The following ADSL variants were observed in gnomAD, a reference collection of about 807,000 sequenced individuals.
ADSL encodes adenylosuccinate lyase, also known as adenylosuccinase.
ADSL carries 44 observed loss-of-function variants against 62.1 expected under a neutral mutation model. The ratio of observed to expected loss-of-function variants is 0.71; its 90% CI spans 0.56 to 0.91. The LOEUF (loss-of-function observed/expected upper bound fraction) is 0.91. ADSL is among the 40% of genes least tolerant of loss of function. ADSL has a pLI of 0.00. For missense variants in ADSL, 531 were observed against 627.4 expected (o/e 0.85, Z 1.64); for synonymous variants, 198 against 220.5 (o/e 0.90, Z 0.90).
intron 2 of ADSL, among the ~76,000 whole-genome samples, chr22:40,351,077 C>T (rs1350642267): frequency 2.6e-5 from 4 of 152,184 alleles, no homozygotes; most frequent in African/African-American, 9.7e-5. Flanking sequence ...TCACTGCAGC[C>T]TTGACCTTCT....
chr22:40,369,215 G>A lies in ADSL; in HGVS notation c.*2693G>A, dbSNP rs79135469. 91 of 152,224 alleles carry A rather than the reference G, an allele frequency of 6.0e-4. No individual in the cohort carries two copies. Among genetic ancestry groups the A allele is most frequent in the African/African-American group, 1.9e-3 (80 of 41,528 alleles). 9.4% of individuals were successfully genotyped at this position (152,224 alleles called of 1,614,324 possible). ...AGACTAATGATCTCCAGTGATTGGC[G>A]ATTTGACCTGGTTTCTTCCTGGACT... On this transcript the variant is annotated 3_prime_UTR_variant, in exon 13 of 13. Transcript: ENST00000623063.
chr22:40,382,665 A>T (rs148727158), intron 2 of ADSL, among the ~76,000 whole-genome samples: 2 of 152,332 alleles, frequency 1.3e-5, no homozygotes, highest in African/African-American at 2.4e-5. Flanking sequence ...GTTCACGGGG[A>T]GTGGATGGGA....
rs2044152816 is a variant in ADSL at position 40,346,708 on chromosome 22, G to A, written c.150G>A (p.Glu50=). Residue 50 remains glutamate (E), a synonymous_variant, in exon 1 of 13, where the codon GAG becomes GAA. Coordinates refer to ENST00000623063, the MANE Select transcript of ADSL (RefSeq NM_000026.4). ...RQLWLWLAEA[E]QTLGLPITDE... ...TGTGGCTGTGGCTGGCGGAGGCCGA[G>A]CAGGTAACGGATCCCGGGCTGAGGG... 6.2e-7 allele frequency: 1 copy of A among 1,603,870 alleles called. No individual in the cohort carries two copies. The highest frequency in any genetic ancestry group is 8.5e-7 in the Non-Finnish European group (1 of 1,177,640).
At chr22:40,373,862 C>T (rs1471467868), downstream of ADSL, among the ~76,000 whole-genome samples, 2 of 152,192 alleles carry the variant, frequency 1.3e-5, no homozygotes, top group African/African-American at 2.4e-5. Flanking sequence ...GATCCGCCCT[C>T]CTAGGCCTTC....
At chr22:40,377,952 A>T (rs2046922228) in intron 2 of ADSL, among the ~76,000 whole-genome samples, 1 of 152,224 alleles carries the variant, frequency 6.6e-6, no homozygotes, top group Non-Finnish European at 1.5e-5. Flanking sequence ...TATGTAGAAT[A>T]CAAAGTACCC....
At chr22:40,362,958 C>G (rs778143633) in intron 9 of ADSL, 23 bp from the exon 10 acceptor site, 7 of 1,595,512 alleles carry the variant, frequency 4.4e-6, no homozygotes, top group Non-Finnish European at 6.0e-6. Context: ...TAAAGACATA[C>G]TGAATGGCTA....
At chr22:40,379,898 A>G (rs1266400173) in intron 2 of ADSL, among the ~76,000 whole-genome samples, 1 of 151,898 alleles carries the variant, frequency 6.6e-6, no homozygotes, top group Non-Finnish European at 1.5e-5. Flanking sequence ...TTTTGTAGAG[A>G]TTGGGTTTCG....
chr22:40,346,800 C>A (rs1414714041), intron 1 of ADSL, 89 bp downstream of exon 1: 2 of 1,372,188 alleles, frequency 1.5e-6, no homozygotes, highest in East Asian at 2.5e-5. Context: ...GGCTTAGCCA[C>A]CCCGGAGCTG....
At chr22:40,361,093 C>T (rs542626221) in intron 7 of ADSL, 180 bp from the exon 8 acceptor site, 23 of 724,060 alleles carry the variant, frequency 3.2e-5, no homozygotes, top group Admixed American at 2.3e-4. Context: ...CCCAGTCCTT[C>T]GGGAACAGAG....
chr22:40,347,836 A>ATT (rs2044199120), intron 1 of ADSL, among the ~76,000 whole-genome samples: 1 of 152,236 alleles, frequency 6.6e-6, no homozygotes. Flanking sequence ...TCAACTTAAT[A>ATT]AACTCTTGGC....
intron 11 of ADSL, 39 bp downstream of exon 11, chr22:40,364,404 C>T (rs2044920203): frequency 6.4e-7 from 1 of 1,554,794 alleles, no homozygotes; most frequent in Non-Finnish European, 8.9e-7. Context: ...GTTGAGAGTG[C>T]ACGTTTGGTC....
At chr22:40,379,830 T>C (rs575847995) in intron 2 of ADSL, among the ~76,000 whole-genome samples, 52 of 152,168 alleles carry the variant, frequency 3.4e-4, no homozygotes, top group African/African-American at 1.2e-3. Flanking sequence ...CACCTCAGCT[T>C]CCTGAGTAAT....
At position 40,349,895 on chromosome 22, in the gene ADSL, G is replaced by C; in HGVS notation, c.217G>C (p.Asp73His). Reference sequence around the variant, plus strand: ...GATGAAATCAAACCTGGAGAACATCGACTTCAAGATGGCAGCTGAGGAAGA... The same window carrying C: ...GATGAAATCAAACCTGGAGAACATCCACTTCAAGATGGCAGCTGAGGAAGA... ...QEMKSNLENI[D>H]FKMAAEEEKR... Residue 73 changes from aspartate (D) to histidine (H), a missense_variant, in exon 2 of 13, where the codon GAC becomes CAC. Physicochemically the swap from Asp to His is moderately conservative, Grantham distance 81 (BLOSUM62 -1). This residue lies in a region of ADSL where 471 missense variants were observed against 592.9 expected (regional missense o/e 0.79). Transcript: ENST00000623063. 6.2e-7 allele frequency: 1 copy of C among 1,614,088 alleles called. No individual in the cohort carries two copies. The highest frequency in any genetic ancestry group is 8.5e-7 in the Non-Finnish European group (1 of 1,180,036).
chr22:40,356,939 A>T (rs758579464), intron 4 of ADSL, among the ~76,000 whole-genome samples: 6 of 152,326 alleles, frequency 3.9e-5, no homozygotes, highest in Non-Finnish European at 8.8e-5. Flanking sequence ...TCTGTCACCT[A>T]GATTGGGGTA....
chr22:40,361,364 G>C (rs781440750), intron 8 of ADSL, 22 bp downstream of exon 8: 29 of 1,613,438 alleles, frequency 1.8e-5, no homozygotes, highest in Non-Finnish European at 2.4e-5. Flanking sequence ...GTAGAGACCT[G>C]TGAGCACACA....
chr22:40,351,330 C>T (rs2044338857), intron 2 of ADSL, among the ~76,000 whole-genome samples: 1 of 152,086 alleles, frequency 6.6e-6, no homozygotes, highest in Non-Finnish European at 1.5e-5. Flanking sequence ...GCCGCCACGC[C>T]CAGCTAATTT....
Position 40,368,615 on chromosome 22 carries a change from T to C in ADSL, c.*2093T>C, listed in dbSNP as rs2045066625. 6.6e-6 allele frequency: 1 copy of C among 152,158 alleles called. No homozygotes were observed. The highest frequency in any genetic ancestry group is 1.5e-5 in the Non-Finnish European group (1 of 68,050). 9.4% of individuals were successfully genotyped at this position (152,158 alleles called of 1,614,324 possible). On this transcript the variant is annotated 3_prime_UTR_variant, in exon 13 of 13. Transcript: ENST00000623063. The stretch of plus-strand genomic sequence containing the variant: ...GCTCAACTTCCAGAAAGAGTTACTC[T>C]GTTCATCTCTAAAAAATCTTGAAAA...
Position 40,346,536 on chromosome 22 carries a change from C to T in ADSL, c.-23C>T, listed in dbSNP as rs201625622. On this transcript the variant is annotated 5_prime_UTR_variant, in exon 1 of 13. Coordinates refer to ENST00000623063, the MANE Select transcript of ADSL (RefSeq NM_000026.4). The stretch of plus-strand genomic sequence containing the variant: ...TCCGCTCTTCCCTGGTCCAGTCCAC[C>T]CTGGCGGGGTCGCAGGGTTGGGATG... The T allele has an allele frequency of 8.3e-5, 132 of 1,596,026 alleles. 1 individual carries two copies. The highest frequency in any genetic ancestry group is 6.8e-6 in the Non-Finnish European group (8 of 1,174,332).
intron 12 of ADSL, among the ~76,000 whole-genome samples, chr22:40,366,187 G>A (rs2044998008): frequency 6.6e-6 from 1 of 152,120 alleles, no homozygotes; most frequent in African/African-American, 2.4e-5. Flanking sequence ...GGATGGAAAT[G>A]GTGAAACCAC....
Sources: gnomAD v4.1 joint callset for allele counts (sites outside exome capture counted in the v4.1 genomes callset) on GRCh38, gnomAD v4.1.1 for gene constraint, gnomAD v4.1.1 regional missense constraint, MANE v1.5 for transcripts, NCBI Gene and HGNC (gene_info 2026-07-23, HGNC 2026-07-21) for gene names.